TANC1: variants seen among roughly 807,000 people sequenced by gnomAD.
The protein encoded by TANC1 is tetratricopeptide repeat, ankyrin repeat and coiled-coil containing 1, also known as protein TANC1.
Under a neutral mutation model 149.7 loss-of-function variants are expected in TANC1, and 77 were observed. The observed-to-expected ratio is 0.51, with a 90% CI of 0.43 to 0.62. The LOEUF is 0.62. TANC1 is among the 20% of genes least tolerant of loss of function. The pLI is 0.00. For missense variants in TANC1, 1,985 were observed against 2,321.8 expected (o/e 0.85, Z 2.98); for synonymous variants, 854 against 925.0 (o/e 0.92, Z 1.39).
intron 4 of TANC1, among the ~76,000 whole-genome samples, chr2:159,101,877 G>A (rs1003734940): frequency 6.6e-6 from 1 of 152,182 alleles, no homozygotes; most frequent in Admixed American, 6.5e-5. Flanking sequence ...ACAGCAGATG[G>A]TGACAAGTGG....
intron 25 of TANC1, 82 bp downstream of exon 25, chr2:159,228,047 C>G: frequency 6.8e-7 from 1 of 1,476,336 alleles, no homozygotes; most frequent in South Asian, 1.3e-5. Context: ...CTTCTCCAGA[C>G]CAGATCCTGG....
intron 2 of TANC1, chr2:159,056,769 G>C: frequency 2.9e-6 from 1 of 342,212 alleles, no homozygotes; most frequent in Admixed American, 2.7e-5. Context: ...ATTGCTCTGG[G>C]TGACCTTGTT....
At chr2:159,225,401 A>C (rs1004135248) in intron 23 of TANC1, 4 of 497,376 alleles carry the variant, frequency 8.0e-6, no homozygotes, top group Middle Eastern at 1.1e-3. Flanking sequence ...CATTTAATTA[A>C]TTTTCCCCAC....
At chr2:158,988,973 TGGTCCAAA>T (rs902953036) in intron 1 of TANC1, among the ~76,000 whole-genome samples, 1 of 152,146 alleles carries the variant, frequency 6.6e-6, no homozygotes, top group African/African-American at 2.4e-5. Flanking sequence ...TTAGGGGTCC[TGGTCCAAA>T]GGTCAGTTTT....
intron 22 of TANC1, among the ~76,000 whole-genome samples, chr2:159,222,719 CA>C (rs1356874767): frequency 6.6e-6 from 1 of 152,144 alleles, no homozygotes; most frequent in Non-Finnish European, 1.5e-5. Context: ...AGTATTTATT[CA>C]AGACCCTGTT....
intron 1 of TANC1, among the ~76,000 whole-genome samples, chr2:158,975,040 C>G (rs1231314858): frequency 6.6e-6 from 1 of 151,306 alleles, no homozygotes; most frequent in Non-Finnish European, 1.5e-5. Context: ...CATGAGCCAA[C>G]CCCCCAGTCC....
At chr2:159,037,881 A>G (rs1047401842) in intron 2 of TANC1, among the ~76,000 whole-genome samples, 4 of 152,282 alleles carry the variant, frequency 2.6e-5, no homozygotes, top group East Asian at 1.9e-4. Context: ...GTTTTTTCCA[A>G]TTCTGTGAAG....
At chr2:158,986,332 C>T (rs138877804) in intron 1 of TANC1, among the ~76,000 whole-genome samples, 1 of 152,288 alleles carries the variant, frequency 6.6e-6, no homozygotes, top group Non-Finnish European at 1.5e-5. Context: ...ACAGCACTCT[C>T]TCAGGAGGGG....
chr2:159,204,472 G>A (rs1403603568), intron 19 of TANC1, among the ~76,000 whole-genome samples: 1 of 152,198 alleles, frequency 6.6e-6, no homozygotes, highest in African/African-American at 2.4e-5. Context: ...CATGGTGTGG[G>A]CATAGCCCCA....
At chr2:159,040,108 G>A (rs1002771653) in intron 2 of TANC1, among the ~76,000 whole-genome samples, 3 of 152,116 alleles carry the variant, frequency 2.0e-5, no homozygotes, top group South Asian at 4.1e-4. Context: ...TTATGTAATG[G>A]CCTTCGTTGT....
In TANC1 at chr2:159,055,871, CTTAT is replaced by C. The variant is rs148622577; in HGVS notation, c.-15-10002_-15-9999del. ...CAGAGAAGGGAATTGCACAGCATAG[CTTAT>C]TTATTTATTTATTTATTTATTTTAG... is the stretch of plus-strand genomic sequence containing the variant. On this transcript the variant is annotated intron_variant, in intron 2 of 26. Transcript: ENST00000263635. 345 of 167,060 alleles carry C rather than the reference CTTAT, an allele frequency of 2.1e-3. 5 individuals carry two copies. The South Asian group carries it at 0.027, about 13-fold the overall frequency. 10.3% of individuals were successfully genotyped at this position (167,060 alleles called of 1,614,324 possible).
At position 159,230,434 on chromosome 2, in the gene TANC1, T is replaced by C. The variant is rs1209235444; in HGVS notation, c.5008T>C (p.Ser1670Pro). 6.2e-7 allele frequency: 1 copy of C among 1,614,160 alleles called. No homozygotes were observed. Among genetic ancestry groups the C allele is most frequent in the Non-Finnish European group, 8.5e-7 (1 of 1,180,032 alleles). ...LTSSGSSGSP[S>P]SSIKMSSSTS... ...CAGCTCAGGCTCTTCTGGTTCTCCATCCAGCAGCATAAAGATGTCAAGTTC... is the reference window on the plus strand; with the variant it reads ...CAGCTCAGGCTCTTCTGGTTCTCCACCCAGCAGCATAAAGATGTCAAGTTC... The change falls in exon 27 of 27, where the codon TCC becomes CCC. Residue 1670 changes from serine to proline, a missense_variant. Ser to Pro is a moderately conservative substitution (Grantham distance 74). This residue lies in a region of TANC1 where 920 missense variants were observed against 994.7 expected (regional missense o/e 0.92). Coordinates refer to ENST00000263635, the MANE Select transcript of TANC1 (RefSeq NM_033394.3). This position sits in a 1 kb window ranked among gnomAD's most constrained non-coding sequence, Gnocchi z 4.4.
chr2:158,998,851 C>G (rs534536690), intron 1 of TANC1, among the ~76,000 whole-genome samples: 10 of 152,250 alleles, frequency 6.6e-5, no homozygotes, highest in African/African-American at 1.9e-4. Context: ...TGCCATTCCC[C>G]CCTCCCCTCT....
intron 11 of TANC1, among the ~76,000 whole-genome samples, chr2:159,174,094 G>A (rs1473039533): frequency 1.3e-5 from 2 of 152,212 alleles, no homozygotes; most frequent in Non-Finnish European, 2.9e-5. Flanking sequence ...CTTGGCACGA[G>A]TGTTTTGCTC....
chr2:159,017,304 T>C (rs1052936043), intron 2 of TANC1, among the ~76,000 whole-genome samples: 4 of 152,196 alleles, frequency 2.6e-5, no homozygotes, highest in African/African-American at 9.7e-5. Flanking sequence ...GTAATATTTA[T>C]AAGATAAAAG....
Position 159,097,638 on chromosome 2 carries a change from A to C in TANC1, c.63A>C (p.Gly21=). 1 of 1,613,048 alleles carries C rather than the reference A, an allele frequency of 6.2e-7. No homozygotes were observed. Among genetic ancestry groups the C allele is most frequent in the Non-Finnish European group, 8.5e-7 (1 of 1,179,052 alleles). The change falls in exon 4 of 27, where the codon GGA becomes GGC. Residue 21 remains glycine (G), a splice_region_variant and synonymous_variant. Transcript: ENST00000263635. ...EGGKGGKKEA[G]SDFGPETSPV... ...CTAAGTATTCTCTCTCTACTCTAGG[A>C]AGTGACTTTGGTCCAGAGACTTCTC...
intron 2 of TANC1, among the ~76,000 whole-genome samples, chr2:159,048,534 G>A (rs1313609889): frequency 6.6e-6 from 1 of 152,168 alleles, no homozygotes; most frequent in Non-Finnish European, 1.5e-5. Flanking sequence ...GTGTTCAATT[G>A]TGGGAATTGA....
At chr2:158,996,981 C>CAAA (rs1166208435) in intron 1 of TANC1, among the ~76,000 whole-genome samples, 1 of 118,450 alleles carries the variant, frequency 8.4e-6, no homozygotes, top group African/African-American at 3.0e-5. Context: ...CAGACTGTGG[C>CAAA]AAAAAAAAAA....
chr2:159,054,071 C>T (rs2041668753), intron 2 of TANC1, among the ~76,000 whole-genome samples: 2 of 152,162 alleles, frequency 1.3e-5, no homozygotes, highest in African/African-American at 2.4e-5. Context: ...TGGCCAAAGC[C>T]GATTTATCTT....
Sources: allele counts gnomAD v4.1 joint callset (sites outside exome capture counted in the v4.1 genomes callset), GRCh38; gene constraint gnomAD v4.1.1; regional missense constraint gnomAD v4.1.1; non-coding constraint Gnocchi (gnomAD v3.1); transcripts MANE v1.5; gene names NCBI Gene and HGNC (gene_info 2026-07-23, HGNC 2026-07-21).